EHBP1: variants seen among roughly 807,000 people sequenced by gnomAD.
The protein encoded by EHBP1 is EH domain-binding protein 1.
In EHBP1, 55 loss-of-function variants were observed where a neutral mutation model predicts 144.0. That is an observed-to-expected ratio of 0.38 (90% CI 0.31 to 0.48). EHBP1 has a LOEUF of 0.48. Ranked by LOEUF, EHBP1 falls within the 20% of genes least tolerant of loss-of-function variation. EHBP1 has a pLI of 0.98. For missense variants in EHBP1, 1,200 were observed against 1,364.2 expected (o/e 0.88, Z 1.90); for synonymous variants, 469 against 472.7 (o/e 0.99, Z 0.10).
intron 10 of EHBP1, among the ~76,000 whole-genome samples, chr2:62,895,454 T>A (rs2052828419): frequency 6.6e-6 from 1 of 152,196 alleles, no homozygotes; most frequent in Non-Finnish European, 1.5e-5. Flanking sequence ...CAGCTTCTGC[T>A]GTTACTGATA....
At chr2:62,810,094 G>A (rs973032396) in intron 5 of EHBP1, among the ~76,000 whole-genome samples, 17 of 152,184 alleles carry the variant, frequency 1.1e-4, no homozygotes, top group African/African-American at 3.9e-4. Context: ...AAGTGGTATC[G>A]TGTGAACTAT....
chr2:63,042,485 A>G (rs2061704287), intron 21 of EHBP1, among the ~76,000 whole-genome samples: 1 of 152,084 alleles, frequency 6.6e-6, no homozygotes, highest in Admixed American at 6.6e-5. Context: ...TAGCACTGTA[A>G]TGACAGATTT....
At chr2:62,858,406 A>C in intron 7 of EHBP1, 1 of 1,589,158 alleles carries the variant, frequency 6.3e-7, no homozygotes, top group Non-Finnish European at 8.6e-7. Context: ...CTGTTTACAG[A>C]AATTGTAAAC....
intron 3 of EHBP1, among the ~76,000 whole-genome samples, chr2:62,751,594 G>T (rs976714650): frequency 1.3e-5 from 2 of 152,146 alleles, no homozygotes; most frequent in Admixed American, 1.3e-4. Context: ...GTAGAATTCG[G>T]CTGTGAATCC....
At chr2:62,735,546 C>T (rs2038043383) in intron 2 of EHBP1, among the ~76,000 whole-genome samples, 1 of 151,984 alleles carries the variant, frequency 6.6e-6, no homozygotes, top group Non-Finnish European at 1.5e-5. Context: ...TTTAAATAAA[C>T]TGTTATCTGT....
At chr2:62,931,880 G>A (rs906378155) in intron 10 of EHBP1, among the ~76,000 whole-genome samples, 53 of 152,138 alleles carry the variant, frequency 3.5e-4, no homozygotes, top group African/African-American at 1.3e-3. Flanking sequence ...TCCCCTGGGG[G>A]TCTTAGAACA....
At chr2:62,858,147 G>A (rs377646546) in intron 7 of EHBP1, among the ~76,000 whole-genome samples, 2 of 152,024 alleles carry the variant, frequency 1.3e-5, no homozygotes, top group South Asian at 4.2e-4. Context: ...TTATTATCTC[G>A]TTTTGTGTTT....
chr2:62,692,194 A>G (rs1250518231), intron 1 of EHBP1, among the ~76,000 whole-genome samples: 2 of 152,234 alleles, frequency 1.3e-5, no homozygotes, highest in Non-Finnish European at 2.9e-5. Context: ...TCCATGTTAT[A>G]GCGTGAATCA....
chr2:63,032,334 G>A (rs1054035948), intron 19 of EHBP1, among the ~76,000 whole-genome samples: 4 of 151,250 alleles, frequency 2.6e-5, no homozygotes, highest in African/African-American at 4.9e-5. Flanking sequence ...TTTGGGAGGC[G>A]CAGGCGGGTG....
At chr2:62,914,518 A>G (rs770899990) in intron 10 of EHBP1, among the ~76,000 whole-genome samples, 3 of 152,082 alleles carry the variant, frequency 2.0e-5, no homozygotes, top group Non-Finnish European at 4.4e-5. Flanking sequence ...TTTATTTTGA[A>G]ATGTATAATC....
At chr2:62,984,195 G>T (rs1028841000) in intron 15 of EHBP1, among the ~76,000 whole-genome samples, 5 of 151,996 alleles carry the variant, frequency 3.3e-5, no homozygotes, top group Admixed American at 2.6e-4. Flanking sequence ...TTCACTTTCT[G>T]TTTAAAAAAT....
At chr2:62,940,653 A>G (rs1012496581) in intron 10 of EHBP1, among the ~76,000 whole-genome samples, 1 of 152,124 alleles carries the variant, frequency 6.6e-6, no homozygotes, top group East Asian at 1.9e-4. Flanking sequence ...GGAGTAGATG[A>G]TTTCATTTAA....
At chr2:62,871,280 A>G (rs1460037004) in intron 9 of EHBP1, among the ~76,000 whole-genome samples, 3 of 152,234 alleles carry the variant, frequency 2.0e-5, no homozygotes, top group African/African-American at 7.2e-5. Context: ...AACTTTTTAA[A>G]TGCCTTAATA....
At chr2:62,683,363 TA>T (rs1210201728) in intron 1 of EHBP1, among the ~76,000 whole-genome samples, 4 of 152,150 alleles carry the variant, frequency 2.6e-5, no homozygotes, top group Non-Finnish European at 5.9e-5. Flanking sequence ...GGTAGAGACC[TA>T]AAGATGAGTA....
intron 10 of EHBP1, among the ~76,000 whole-genome samples, chr2:62,894,478 T>C (rs556306132): frequency 6.6e-6 from 1 of 151,860 alleles, no homozygotes; most frequent in East Asian, 1.9e-4. Flanking sequence ...CAAAGGATAA[T>C]TGGAGTTCAC....
At chr2:63,023,238 T>A (rs2153299066) in intron 19 of EHBP1, among the ~76,000 whole-genome samples, 1 of 152,332 alleles carries the variant, frequency 6.6e-6, no homozygotes, top group Admixed American at 6.5e-5. Flanking sequence ...ATGTTTGTAA[T>A]GTTTGCTTAA....
At chr2:62,777,656 T>A (rs1458204155) in intron 5 of EHBP1, among the ~76,000 whole-genome samples, 2 of 152,126 alleles carry the variant, frequency 1.3e-5, no homozygotes, top group Non-Finnish European at 2.9e-5. Context: ...TTTAAACCAA[T>A]GATAACTTAT....
At chr2:62,725,907 A>C (rs2036737649) in intron 2 of EHBP1, among the ~76,000 whole-genome samples, 1 of 152,084 alleles carries the variant, frequency 6.6e-6, no homozygotes, top group African/African-American at 2.4e-5. Context: ...CCACCAGTCA[A>C]GCACTGTTGC....
intron 1 of EHBP1, chr2:62,674,164 C>G (rs1170122551): frequency 6.4e-6 from 3 of 470,748 alleles, no homozygotes; most frequent in African/African-American, 4.0e-5. Context: ...ATCTTACTAG[C>G]AAATGGTCCT....
Sources: allele counts gnomAD v4.1 joint callset (sites outside exome capture counted in the v4.1 genomes callset), GRCh38; gene constraint gnomAD v4.1.1; transcripts MANE v1.5; gene names NCBI Gene and HGNC (gene_info 2026-07-23, HGNC 2026-07-21).